The following ARHGAP20 variants were observed in gnomAD, a reference collection of about 807,000 sequenced individuals.
The protein encoded by ARHGAP20 is rho GTPase-activating protein 20.
ARHGAP20 carries 34 observed loss-of-function variants against 73.7 expected under a neutral mutation model. That is an observed-to-expected ratio of 0.46 (90% CI 0.35 to 0.61). The LOEUF is 0.61. ARHGAP20 is among the 20% of genes least tolerant of loss of function. ARHGAP20 has a pLI of 0.00. For synonymous variants in ARHGAP20, 523 were observed against 518.2 expected, an observed-to-expected ratio of 1.01 and a Z score of -0.13; for missense variants, 1,314 against 1,420.9, an observed-to-expected ratio of 0.92 and a Z score of 1.21.
At chr11:110,703,069 C>T (rs1408962134) in intron 1 of ARHGAP20, among the ~76,000 whole-genome samples, 3 of 152,110 alleles carry the variant, frequency 2.0e-5, no homozygotes, top group African/African-American at 7.2e-5. Context: ...CATGCTATCA[C>T]AGCAAGGTTT....
chr11:110,625,198 C>T (rs896240142), intron 3 of ARHGAP20, among the ~76,000 whole-genome samples: 2 of 150,464 alleles, frequency 1.3e-5, no homozygotes, highest in East Asian at 1.9e-4. Flanking sequence ...CCACCGCGCC[C>T]GGCTAATTTT....
rs190954830 is a variant in ARHGAP20, at chr11:110,663,104, C to T, written c.188+27443G>A. On this transcript the variant is annotated intron_variant, in intron 2 of 14. Transcript: ENST00000683387. ...ATTCAATGCCTAAATTAGAAAAGAC[C>T]TTAAAACAATTACCTCAGTTCACAC... Among the ~76,000 whole-genome samples, 334 of 151,710 alleles carry T rather than the reference C, an allele frequency of 2.2e-3. 1 individual carries two copies. The highest frequency in any genetic ancestry group is 5.3e-3 in the Admixed American group (81 of 15,238).
intron 1 of ARHGAP20, chr11:110,711,648 CG>C: frequency 6.8e-7 from 1 of 1,475,898 alleles, no homozygotes; most frequent in Non-Finnish European, 8.9e-7. Context: ...GCCGCAGCCC[CG>C]CTGCCTACCT....
At chr11:110,674,516 T>C (rs1738921055) in intron 2 of ARHGAP20, among the ~76,000 whole-genome samples, 1 of 152,268 alleles carries the variant, frequency 6.6e-6, no homozygotes. Context: ...TCAAAACTTT[T>C]CTTTATGTGC....
rs1446415451 is a variant in ARHGAP20, at chr11:110,606,759, G to C, written c.776-10C>G. ...TATGGATATTCATGCCCTACACAGA[G>C]ACAAATCTAAATGTAGACTTCAGGC... On this transcript the variant is annotated splice_polypyrimidine_tract_variant and intron_variant, in intron 8 of 14. Transcript: ENST00000683387. 2.0e-6 allele frequency: 3 copies of C among 1,512,594 alleles called. No individual in the cohort carries two copies. Among genetic ancestry groups the C allele is most frequent in the Non-Finnish European group, 2.7e-6 (3 of 1,131,378 alleles). 93.7% of individuals were successfully genotyped at this position (1,512,594 alleles called of 1,614,324 possible).
intron 2 of ARHGAP20, among the ~76,000 whole-genome samples, chr11:110,654,009 A>AC (rs200113186): frequency 0.01 from 1,580 of 152,194 alleles, 12 homozygotes; most frequent in South Asian, 0.016. Context: ...CAATAAGAAC[A>AC]CATGGACACA....
At chr11:110,612,400 C>A (rs1346426029) in intron 6 of ARHGAP20, among the ~76,000 whole-genome samples, 1 of 151,596 alleles carries the variant, frequency 6.6e-6, no homozygotes, top group African/African-American at 2.4e-5. Context: ...TGCACTCCAG[C>A]CTGGGCGACA....
At chr11:110,688,999 G>GT (rs745669809) in intron 2 of ARHGAP20, among the ~76,000 whole-genome samples, 9,831 of 137,520 alleles carry the variant, frequency 0.071, 1,141 homozygotes, top group African/African-American at 0.24. Context: ...CTTTCATATA[G>GT]TTTTTTTTTT....
At chr11:110,637,572 A>G (rs1456576922) in intron 2 of ARHGAP20, among the ~76,000 whole-genome samples, 1 of 152,166 alleles carries the variant, frequency 6.6e-6, no homozygotes, top group Non-Finnish European at 1.5e-5. Flanking sequence ...TTACCATATA[A>G]TAAATTATTT....
chr11:110,578,314 A>G lies in ARHGAP20; in HGVS notation c.*1056T>C. 1 of 985,454 alleles carries G rather than the reference A, an allele frequency of 1.0e-6. No individual in the cohort carries two copies. The highest frequency in any genetic ancestry group is 1.2e-6 in the Non-Finnish European group (1 of 829,934). The allele number at this position is 985,454 out of a possible 1,614,324, so 61.0% of individuals were successfully genotyped here. A position where few individuals can be genotyped will look rare whatever the true frequency, so the allele number is the denominator to read the frequency against. Reference sequence around the variant, plus strand: ...GTATTCTATTGTGGGACTCCTTATAACCGGCCAACCTCAATATTGCTCTCT... The same window carrying G: ...GTATTCTATTGTGGGACTCCTTATAGCCGGCCAACCTCAATATTGCTCTCT... On this transcript the variant is annotated 3_prime_UTR_variant, in exon 15 of 15. Transcript: ENST00000683387.
At chr11:110,690,714 G>A in intron 1 of ARHGAP20, 85 bp from the exon 2 acceptor site, 1 of 1,292,372 alleles carries the variant, frequency 7.7e-7, no homozygotes, top group South Asian at 1.2e-5. Context: ...AATTTAACAA[G>A]TTTTGCATTG....
intron 2 of ARHGAP20, among the ~76,000 whole-genome samples, chr11:110,653,512 C>T (rs1176604674): frequency 6.6e-6 from 1 of 152,064 alleles, no homozygotes; most frequent in Non-Finnish European, 1.5e-5. Context: ...CAAATCAAAA[C>T]CACAATGAGA....
intron 11 of ARHGAP20, 102 bp downstream of exon 11, chr11:110,590,546 A>T (rs1383397943): frequency 8.2e-7 from 1 of 1,219,558 alleles, no homozygotes; most frequent in South Asian, 1.8e-5. Context: ...TAAATCTATT[A>T]TGGGTCTTTG....
chr11:110,594,292 C>T (rs750257993), intron 9 of ARHGAP20, among the ~76,000 whole-genome samples: 2 of 152,176 alleles, frequency 1.3e-5, no homozygotes, highest in African/African-American at 4.8e-5. Flanking sequence ...GAGTCAGGAG[C>T]CTCTCTGCAC....
At chr11:110,619,588 T>TGATAGAGTGTATGC (rs1948578712) in intron 4 of ARHGAP20, among the ~76,000 whole-genome samples, 1 of 148,678 alleles carries the variant, frequency 6.7e-6, no homozygotes, top group African/African-American at 2.5e-5. Context: ...AGCGTATATG[T>TGATAGAGTGTATGC]AGTGATAGAG....
At chr11:110,672,906 T>A (rs1443937995) in intron 2 of ARHGAP20, among the ~76,000 whole-genome samples, 1 of 152,160 alleles carries the variant, frequency 6.6e-6, no homozygotes, top group African/African-American at 2.4e-5. Context: ...AAGACATACA[T>A]CCACATAAAG....
intron 12 of ARHGAP20, among the ~76,000 whole-genome samples, chr11:110,585,119 A>G (rs111439022): frequency 1.3e-5 from 2 of 151,142 alleles, no homozygotes; most frequent in Non-Finnish European, 3.0e-5. Context: ...GTGAATATAT[A>G]TGAATATATG....
At chr11:110,686,327 T>G (rs940108640) in intron 2 of ARHGAP20, among the ~76,000 whole-genome samples, 1 of 152,008 alleles carries the variant, frequency 6.6e-6, no homozygotes, top group Non-Finnish European at 1.5e-5. Flanking sequence ...TGAAAAGAAC[T>G]AATACATCTA....
Position 110,712,295 on chromosome 11 carries a change from C to A in ARHGAP20, c.-64G>T, listed in dbSNP as rs1173756827. 5 of 1,233,344 alleles carry A rather than the reference C, an allele frequency of 4.1e-6. No individual in the cohort carries two copies. The highest frequency in any genetic ancestry group is 5.2e-6 in the Non-Finnish European group (5 of 970,480). The allele number at this position is 1,233,344 out of a possible 1,614,324, so 76.4% of individuals were successfully genotyped here. On this transcript the variant is annotated 5_prime_UTR_variant, in exon 1 of 15. Transcript: ENST00000683387. ...CTACACGATCATGTCCGCGGGCTGCCGGCCGGAGGGGCGAGGACGCGCGGG... is the reference window on the plus strand; with the variant it reads ...CTACACGATCATGTCCGCGGGCTGCAGGCCGGAGGGGCGAGGACGCGCGGG...
Sources: allele counts gnomAD v4.1 joint callset (sites outside exome capture counted in the v4.1 genomes callset), GRCh38; gene constraint gnomAD v4.1.1; transcripts MANE v1.5; gene names NCBI Gene and HGNC (gene_info 2026-07-23, HGNC 2026-07-21).